GRM5: variants seen among roughly 807,000 people sequenced by gnomAD.
GRM5 encodes glutamate metabotropic receptor 5.
GRM5 carries 19 observed loss-of-function variants against 83.1 expected under a neutral mutation model. The observed-to-expected ratio is 0.23, with a 90% CI of 0.16 to 0.34. GRM5 has a LOEUF of 0.34. Ranked by LOEUF, GRM5 falls within the 10% of genes least tolerant of loss-of-function variation. GRM5 has a pLI of 1.00. For synonymous variants in GRM5, 675 were observed against 633.6 expected, an observed-to-expected ratio of 1.07 and a Z score of -0.98; for missense variants, 1,160 against 1,588.3, an observed-to-expected ratio of 0.73 and a Z score of 4.58.
Position 88,604,957 on chromosome 11 carries a change from C to A in GRM5, c.1155G>T (p.Leu385=). 6.2e-7 allele frequency: 1 copy of A among 1,612,284 alleles called. No homozygotes were observed. Among genetic ancestry groups the A allele is most frequent in the South Asian group, 1.1e-5 (1 of 90,968 alleles). ...CCTGAACATGATGTGTTTTCAGAGTCAGAGAACCTGTTGGGAAACAAATTA... is the reference window on the plus strand; with the variant it reads ...CCTGAACATGATGTGTTTTCAGAGTAAGAGAACCTGTTGGGAAACAAATTA... ...SKYNKTCNSS[L]TLKTHHVQDS... The change falls in exon 5 of 10, where the codon CTG becomes CTT. Residue 385 remains leucine, a synonymous_variant. Transcript: ENST00000305447.
intron 8 of GRM5, among the ~76,000 whole-genome samples, chr11:88,555,754 A>C (rs1228833278): frequency 6.6e-6 from 1 of 152,136 alleles, no homozygotes; most frequent in Non-Finnish European, 1.5e-5. Context: ...TATTTTCTTC[A>C]GTTGCTTTTT....
chr11:88,598,113 C>A (rs1011859195), intron 5 of GRM5, among the ~76,000 whole-genome samples: 1 of 152,052 alleles, frequency 6.6e-6, no homozygotes, highest in Non-Finnish European at 1.5e-5. Flanking sequence ...GCAATATCAC[C>A]ATTATCTCAG....
intron 2 of GRM5, among the ~76,000 whole-genome samples, chr11:88,890,374 A>G (rs970629396): frequency 2.6e-5 from 4 of 152,084 alleles, no homozygotes; most frequent in African/African-American, 9.7e-5. Context: ...AGTTCCACCA[A>G]AGGCTCCACC....
chr11:88,988,779 G>C (rs1246369297), intron 2 of GRM5, among the ~76,000 whole-genome samples: 4 of 147,540 alleles, frequency 2.7e-5, no homozygotes, highest in African/African-American at 1.0e-4. Context: ...AAGTGAAGGA[G>C]AAATAAAATC....
At chr11:89,005,893 G>T (rs959867321) in intron 2 of GRM5, among the ~76,000 whole-genome samples, 10 of 152,200 alleles carry the variant, frequency 6.6e-5, no homozygotes, top group African/African-American at 2.2e-4. Context: ...ACAAATAAAA[G>T]CCCTATTCCT....
intron 2 of GRM5, among the ~76,000 whole-genome samples, chr11:88,966,025 C>T (rs778528340): frequency 1.2e-4 from 18 of 151,698 alleles, no homozygotes; most frequent in South Asian, 6.2e-4. Context: ...TTTAAATTTA[C>T]GAAAGTAAAA....
chr11:89,058,173 C>T (rs1333313029), intron 1 of GRM5, among the ~76,000 whole-genome samples: 10 of 152,196 alleles, frequency 6.6e-5, no homozygotes, highest in East Asian at 3.9e-4. Context: ...TCTTATGTAA[C>T]GTACATAAAT....
At chr11:88,580,265 A>T (rs1244911663) in intron 7 of GRM5, among the ~76,000 whole-genome samples, 2 of 152,206 alleles carry the variant, frequency 1.3e-5, no homozygotes, top group Non-Finnish European at 2.9e-5. Context: ...AGATTAGGTG[A>T]GAGATCTGGA....
chr11:88,702,712 A>G (rs1394345739), intron 3 of GRM5, among the ~76,000 whole-genome samples: 2 of 152,110 alleles, frequency 1.3e-5, no homozygotes, highest in Non-Finnish European at 1.5e-5. Context: ...GGAGATAAGT[A>G]TATAAAGAGG....
chr11:89,036,772 T>C (rs564865435), intron 2 of GRM5, among the ~76,000 whole-genome samples: 1 of 151,760 alleles, frequency 6.6e-6, no homozygotes, highest in Non-Finnish European at 1.5e-5. Context: ...TTTCAAAGCG[T>C]CAAAAAACAG....
intron 2 of GRM5, among the ~76,000 whole-genome samples, chr11:89,039,006 C>T (rs1047411697): frequency 1.3e-5 from 2 of 152,106 alleles, no homozygotes; most frequent in Admixed American, 1.3e-4. Flanking sequence ...TGGCTCACGT[C>T]TGTGATCCCA....
chr11:88,904,112 A>C (rs1945364475), intron 2 of GRM5, among the ~76,000 whole-genome samples: 1 of 152,178 alleles, frequency 6.6e-6, no homozygotes, highest in South Asian at 2.1e-4. Flanking sequence ...TGCATTAAAA[A>C]GATAACATTC....
intron 3 of GRM5, among the ~76,000 whole-genome samples, chr11:88,815,938 G>A (rs1171688362): frequency 6.6e-6 from 1 of 151,936 alleles, no homozygotes; most frequent in Non-Finnish European, 1.5e-5. Flanking sequence ...CAGAGGCCGG[G>A]CGCGGTGGCT....
intron 8 of GRM5, among the ~76,000 whole-genome samples, chr11:88,533,131 C>T (rs1942053863): frequency 6.6e-6 from 1 of 152,092 alleles, no homozygotes; most frequent in African/African-American, 2.4e-5. Flanking sequence ...CTGTTAGTTA[C>T]CCATTTCTCT....
intron 2 of GRM5, among the ~76,000 whole-genome samples, chr11:88,867,237 C>A (rs1944687160): frequency 6.6e-6 from 1 of 151,554 alleles, no homozygotes; most frequent in Non-Finnish European, 1.5e-5. Context: ...TTTTCTAATT[C>A]TATGAATAAA....
intron 1 of GRM5, among the ~76,000 whole-genome samples, chr11:89,055,871 G>A (rs1941863963): frequency 6.6e-6 from 1 of 152,140 alleles, no homozygotes; most frequent in Admixed American, 6.6e-5. Flanking sequence ...ACATTTAGTT[G>A]TCATACAAAC....
chr11:88,806,443 C>T (rs1275531726), intron 3 of GRM5, among the ~76,000 whole-genome samples: 1 of 152,134 alleles, frequency 6.6e-6, no homozygotes, highest in Admixed American at 6.6e-5. Flanking sequence ...TTCCATTAAT[C>T]ATCAATTTTA....
chr11:89,022,607 G>T (rs553710974), intron 2 of GRM5, among the ~76,000 whole-genome samples: 110 of 152,220 alleles, frequency 7.2e-4, no homozygotes, highest in African/African-American at 2.6e-3. Context: ...AGCCGAGATC[G>T]TGCCACTGCA....
intron 3 of GRM5, among the ~76,000 whole-genome samples, chr11:88,809,195 T>C (rs74421258): frequency 0.01 from 1,568 of 152,146 alleles, 27 homozygotes; most frequent in African/African-American, 0.036. Context: ...TGAAAAATAA[T>C]CTCATCGTGG....
Sources: allele counts gnomAD v4.1 joint callset (sites outside exome capture counted in the v4.1 genomes callset), GRCh38; gene constraint gnomAD v4.1.1; transcripts MANE v1.5; gene names NCBI Gene and HGNC (gene_info 2026-07-23, HGNC 2026-07-21).